Variants in CERS6 observed in about 807,000 individuals in gnomAD.
CERS6 encodes the protein LAG1 homolog, ceramide synthase 6.
In CERS6, 26 loss-of-function variants were observed where a neutral mutation model predicts 56.8. The observed-to-expected ratio is 0.46, with a 90% CI of 0.34 to 0.63. The LOEUF is 0.63. CERS6 is among the 30% of genes least tolerant of loss of function. The pLI is 0.01. For missense variants in CERS6, 415 were observed against 467.5 expected (o/e 0.89, Z 1.04); for synonymous variants, 164 against 173.3 (o/e 0.95, Z 0.42).
chr2:168,602,086 T>A (rs1334807207), intron 3 of CERS6, among the ~76,000 whole-genome samples: 1 of 152,232 alleles, frequency 6.6e-6, no homozygotes, highest in African/African-American at 2.4e-5. Context: ...GCAGTCACTA[T>A]GCTGTACACG....
intron 1 of CERS6, among the ~76,000 whole-genome samples, chr2:168,517,470 C>T (rs989420900): frequency 3.3e-5 from 5 of 150,210 alleles, no homozygotes; most frequent in Admixed American, 6.7e-5. Flanking sequence ...CCAGCCTGGG[C>T]GATACAGCAA....
At position 168,486,517 on chromosome 2, in the gene CERS6, TGG is replaced by T. The variant is rs1491267723; in HGVS notation, c.170+29900_170+29901del. ...GATTTTTGTTAAAGGTGTCTAGATTTGGTTTTGTTTTTTTTTTTTTTGCCTAT... is the reference window on the plus strand; with the variant it reads ...GATTTTTGTTAAAGGTGTCTAGATTTTTTTGTTTTTTTTTTTTTTGCCTAT... On this transcript the variant is annotated intron_variant, in intron 1 of 9. Transcript: ENST00000305747. 5.4e-5 allele frequency among the ~76,000 whole-genome samples: 8 copies of T among 148,220 alleles called. No homozygotes were observed. In the East Asian group the frequency reaches 6.0e-4, roughly 11 times the overall value.
intron 8 of CERS6, among the ~76,000 whole-genome samples, chr2:168,745,265 G>C (rs576430242): frequency 6.8e-6 from 1 of 147,016 alleles, no homozygotes; most frequent in Non-Finnish European, 1.5e-5. Context: ...TTTTTTAGAC[G>C]GAGTCTTGCT....
At chr2:168,551,508 T>C (rs936037562) in intron 2 of CERS6, among the ~76,000 whole-genome samples, 2 of 152,182 alleles carry the variant, frequency 1.3e-5, no homozygotes, top group African/African-American at 4.8e-5. Flanking sequence ...AATCTTTGAA[T>C]AACCGTCTCA....
intron 8 of CERS6, among the ~76,000 whole-genome samples, chr2:168,760,923 T>C (rs1449275410): frequency 6.6e-6 from 1 of 152,028 alleles, no homozygotes; most frequent in Admixed American, 6.5e-5. Context: ...GCCCGGCTAA[T>C]TTTTTGTGTG....
chr2:168,684,597 T>C (rs1312762443), intron 4 of CERS6, among the ~76,000 whole-genome samples: 1 of 152,170 alleles, frequency 6.6e-6, no homozygotes, highest in Non-Finnish European at 1.5e-5. Context: ...AACAAATTAA[T>C]ATAGATATTG....
At chr2:168,611,792 A>C (rs893582205) in intron 3 of CERS6, among the ~76,000 whole-genome samples, 4 of 152,242 alleles carry the variant, frequency 2.6e-5, no homozygotes, top group African/African-American at 4.8e-5. Flanking sequence ...CCAAATCCTG[A>C]CACATAAATT....
intron 2 of CERS6, among the ~76,000 whole-genome samples, chr2:168,552,590 C>T (rs75413472): frequency 2.8e-4 from 42 of 152,154 alleles, no homozygotes; most frequent in African/African-American, 9.9e-4. Flanking sequence ...AAAGCCAGCA[C>T]AAAAGCACTT....
At chr2:168,730,776 T>C (rs1488478619) in intron 8 of CERS6, among the ~76,000 whole-genome samples, 1 of 152,174 alleles carries the variant, frequency 6.6e-6, no homozygotes, top group East Asian at 1.9e-4. Flanking sequence ...GTCTTAAGAC[T>C]ACTTTATATT....
At chr2:168,650,370 T>C (rs1351108294) in intron 4 of CERS6, among the ~76,000 whole-genome samples, 1 of 152,154 alleles carries the variant, frequency 6.6e-6, no homozygotes, top group Non-Finnish European at 1.5e-5. Flanking sequence ...TGTCTGTCCG[T>C]TCACCAGCAC....
chr2:168,607,477 G>A (rs1475296747), intron 3 of CERS6, among the ~76,000 whole-genome samples: 1 of 152,130 alleles, frequency 6.6e-6, no homozygotes, highest in African/African-American at 2.4e-5. Context: ...CAACTCCCTG[G>A]TTCAAGCGAT....
chr2:168,761,422 T>C (rs576665354), intron 8 of CERS6, among the ~76,000 whole-genome samples: 2 of 152,224 alleles, frequency 1.3e-5, no homozygotes, highest in East Asian at 3.8e-4. Flanking sequence ...CGAGAAAGCT[T>C]CTCAGTCTAT....
intron 1 of CERS6, among the ~76,000 whole-genome samples, chr2:168,491,308 T>C (rs1694368006): frequency 6.6e-6 from 1 of 152,236 alleles, no homozygotes; most frequent in South Asian, 2.1e-4. Context: ...TTTGCGCCCA[T>C]GTTTGGCTGT....
intron 6 of CERS6, among the ~76,000 whole-genome samples, chr2:168,696,568 G>A (rs1686652154): frequency 6.6e-6 from 1 of 152,186 alleles, no homozygotes; most frequent in South Asian, 2.1e-4. Flanking sequence ...TTGACTGAGT[G>A]GCTTATAAAA....
intron 8 of CERS6, among the ~76,000 whole-genome samples, chr2:168,753,501 T>C (rs1164153243): frequency 6.6e-6 from 1 of 152,234 alleles, no homozygotes; most frequent in Non-Finnish European, 1.5e-5. Flanking sequence ...TTTGGGTTCT[T>C]TTCCCCCTTG....
At chr2:168,521,814 A>G (rs1694987658) in intron 1 of CERS6, among the ~76,000 whole-genome samples, 2 of 152,360 alleles carry the variant, frequency 1.3e-5, no homozygotes, top group Middle Eastern at 3.4e-3. Flanking sequence ...GGAAAGATCT[A>G]AATTAGAAAT....
chr2:168,470,887 A>G (rs1223936911), intron 1 of CERS6, among the ~76,000 whole-genome samples: 3 of 152,208 alleles, frequency 2.0e-5, no homozygotes, highest in African/African-American at 7.2e-5. Context: ...TCCTGAAATA[A>G]ACATGCCAGT....
At chr2:168,600,398 G>T (rs182609724) in intron 3 of CERS6, among the ~76,000 whole-genome samples, 38 of 152,054 alleles carry the variant, frequency 2.5e-4, no homozygotes, top group African/African-American at 7.0e-4. Context: ...TAGAGACGGG[G>T]TTTCACCCTG....
intron 4 of CERS6, among the ~76,000 whole-genome samples, chr2:168,653,563 A>T (rs1172313967): frequency 6.6e-6 from 1 of 152,202 alleles, no homozygotes; most frequent in Non-Finnish European, 1.5e-5. Context: ...ATTATCTTAG[A>T]TATGTGTGAG....
Sources: allele counts gnomAD v4.1 joint callset (sites outside exome capture counted in the v4.1 genomes callset), GRCh38; gene constraint gnomAD v4.1.1; transcripts MANE v1.5; gene names NCBI Gene and HGNC (gene_info 2026-07-23, HGNC 2026-07-21).